The following ZFPM2 variants were observed in gnomAD, a reference collection of about 807,000 sequenced individuals.
ZFPM2 encodes the protein zinc finger protein, FOG family member 2.
In ZFPM2, 20 loss-of-function variants were observed where a neutral mutation model predicts 98.6. The ratio of observed to expected loss-of-function variants is 0.20; its 90% confidence interval spans 0.14 to 0.29. ZFPM2 has a LOEUF of 0.29. Among genes scored for constraint, ZFPM2 ranks in the 10% least tolerant of loss-of-function variants. The probability of loss-of-function intolerance (pLI) is 1.00; values close to 1 mark genes in which losing one functional copy is unlikely to be tolerated. For missense variants in ZFPM2, 1,310 were observed against 1,388.6 expected (o/e 0.94, Z 0.90); for synonymous variants, 518 against 502.7 (o/e 1.03, Z -0.41).
At chr8:105,405,989 G>A (rs548277375) in intron 1 of ZFPM2, among the ~76,000 whole-genome samples, 76 of 152,202 alleles carry the variant, frequency 5.0e-4, no homozygotes, top group Middle Eastern at 3.4e-3. Flanking sequence ...GTGTGAGATG[G>A]TATCTCATTG....
intron 3 of ZFPM2, among the ~76,000 whole-genome samples, chr8:105,456,171 T>TG (rs1372801464): frequency 5.8e-4 from 86 of 149,168 alleles, no homozygotes; most frequent in African/African-American, 1.9e-3. Flanking sequence ...TTTGTTTGTT[T>TG]TTTTTTTAAG....
intron 3 of ZFPM2, among the ~76,000 whole-genome samples, chr8:105,460,791 G>GA (rs34141914): frequency 2.0e-5 from 3 of 150,080 alleles, no homozygotes; most frequent in Non-Finnish European, 3.0e-5. Flanking sequence ...ATCCTGAAAA[G>GA]AAAAAAAAAA....
At chr8:105,556,034 G>T (rs145000184) in intron 3 of ZFPM2, among the ~76,000 whole-genome samples, 155 of 152,260 alleles carry the variant, frequency 1.0e-3, no homozygotes, top group African/African-American at 3.6e-3. Flanking sequence ...AGGCAGATAT[G>T]TTCAATTTGG....
chr8:105,690,400 G>A (rs1318277292), intron 5 of ZFPM2, among the ~76,000 whole-genome samples: 1 of 152,132 alleles, frequency 6.6e-6, no homozygotes, highest in Non-Finnish European at 1.5e-5. Flanking sequence ...GACCATCGGG[G>A]CCAAACCTTC....
chr8:105,335,348 T>C (rs749420015), intron 1 of ZFPM2, among the ~76,000 whole-genome samples: 13 of 151,712 alleles, frequency 8.6e-5, no homozygotes, highest in Non-Finnish European at 1.5e-4. Flanking sequence ...ACAACCTAGG[T>C]AGTGCTGAAG....
chr8:105,622,358 A>G (rs983578541), intron 4 of ZFPM2, among the ~76,000 whole-genome samples: 3 of 152,116 alleles, frequency 2.0e-5, no homozygotes, highest in Admixed American at 2.0e-4. Context: ...GAATTGAGAA[A>G]GGAGTTACTA....
At chr8:105,760,116 G>A (rs1402521558) in intron 5 of ZFPM2, among the ~76,000 whole-genome samples, 4 of 151,942 alleles carry the variant, frequency 2.6e-5, no homozygotes, top group African/African-American at 9.7e-5. Context: ...AGACTTCTTG[G>A]TGGATATGAA....
chr8:105,725,672 A>G (rs1270253355), intron 5 of ZFPM2, among the ~76,000 whole-genome samples: 2 of 151,758 alleles, frequency 1.3e-5, no homozygotes, highest in African/African-American at 4.8e-5. Flanking sequence ...AAAACAGAAG[A>G]CACAGCTCAG....
intron 3 of ZFPM2, among the ~76,000 whole-genome samples, chr8:105,459,959 C>T (rs1812673066): frequency 6.6e-6 from 1 of 152,140 alleles, no homozygotes; most frequent in South Asian, 2.1e-4. Flanking sequence ...GGACTCAACA[C>T]TAGGGCCTTT....
chr8:105,343,886 G>A (rs1450293769), intron 1 of ZFPM2, among the ~76,000 whole-genome samples: 1 of 152,026 alleles, frequency 6.6e-6, no homozygotes, highest in Non-Finnish European at 1.5e-5. Context: ...TATTGTATTA[G>A]TCCATTTTCA....
At chr8:105,476,531 C>T (rs945626919) in intron 3 of ZFPM2, among the ~76,000 whole-genome samples, 6 of 152,068 alleles carry the variant, frequency 3.9e-5, no homozygotes, top group African/African-American at 1.4e-4. Context: ...GGTTGGGGAC[C>T]CCTGCTCTAG....
At chr8:105,642,711 G>A (rs1816970429) in intron 5 of ZFPM2, among the ~76,000 whole-genome samples, 1 of 152,096 alleles carries the variant, frequency 6.6e-6, no homozygotes, top group African/African-American at 2.4e-5. Flanking sequence ...AAATGAATAT[G>A]AGACACCCCC....
chr8:105,628,904 G>A (rs1474092684), intron 4 of ZFPM2, among the ~76,000 whole-genome samples: 4 of 151,984 alleles, frequency 2.6e-5, no homozygotes, highest in African/African-American at 9.7e-5. Flanking sequence ...GTGATGAGTA[G>A]CATGAAAAAG....
At chr8:105,464,623 G>A (rs774058867) in intron 3 of ZFPM2, among the ~76,000 whole-genome samples, 26 of 152,070 alleles carry the variant, frequency 1.7e-4, no homozygotes, top group South Asian at 1.7e-3. Flanking sequence ...GAAGATGAGG[G>A]TGTAAAAGGG....
At chr8:105,380,530 G>A (rs750737060) in intron 1 of ZFPM2, among the ~76,000 whole-genome samples, 3 of 134,466 alleles carry the variant, frequency 2.2e-5, no homozygotes, top group Non-Finnish European at 3.1e-5. Context: ...ATGCACACCC[G>A]AACTCAGCCA....
At chr8:105,676,259 C>G (rs1169704372) in intron 5 of ZFPM2, among the ~76,000 whole-genome samples, 1 of 152,090 alleles carries the variant, frequency 6.6e-6, no homozygotes, top group Admixed American at 6.6e-5. Flanking sequence ...TTTAGCACCA[C>G]CAAGCTTTAA....
At chr8:105,640,266 C>T (rs1816925868) in intron 5 of ZFPM2, among the ~76,000 whole-genome samples, 2 of 151,888 alleles carry the variant, frequency 1.3e-5, no homozygotes, top group Non-Finnish European at 2.9e-5. Flanking sequence ...CAGGTTATTG[C>T]CTTTCTTTGC....
At chr8:105,610,591 C>T (rs1476118896) in intron 4 of ZFPM2, among the ~76,000 whole-genome samples, 1 of 151,894 alleles carries the variant, frequency 6.6e-6, no homozygotes, top group Non-Finnish European at 1.5e-5. Context: ...ATTAAACTCT[C>T]AAAGATGTTT....
chr8:105,345,907 T>C (rs534069057), intron 1 of ZFPM2, among the ~76,000 whole-genome samples: 1 of 152,346 alleles, frequency 6.6e-6, no homozygotes, highest in South Asian at 2.1e-4. Context: ...ATTATTATAC[T>C]TACATACAAT....
Sources: allele counts gnomAD v4.1 joint callset (sites outside exome capture counted in the v4.1 genomes callset), GRCh38; gene constraint gnomAD v4.1.1; transcripts MANE v1.5; gene names NCBI Gene and HGNC (gene_info 2026-07-23, HGNC 2026-07-21).